The following CENPS variants were observed in gnomAD, a reference collection of about 807,000 sequenced individuals.
CENPS encodes FANCM associated histone fold protein 1.
CENPS carries 16 observed loss-of-function variants against 17.9 expected under a neutral mutation model. The observed-to-expected ratio is 0.90, with a 90% CI of 0.61 to 1.36. The LOEUF (loss-of-function observed/expected upper bound fraction) is 1.36, where lower values mean the gene tolerates loss of function less well. CENPS is among the 40% of genes most tolerant of loss of function. CENPS has a pLI of 0.00. For missense variants in CENPS, 160 were observed against 158.6 expected (o/e 1.01, Z -0.05); for synonymous variants, 49 against 55.8 (o/e 0.88, Z 0.54).
At chr1:10,436,717 AAAAAG>A (rs1332550417) in intron 3 of CENPS, among the ~76,000 whole-genome samples, 249 of 120,240 alleles carry the variant, frequency 2.1e-3, no homozygotes, top group Non-Finnish European at 3.5e-3. Flanking sequence ...TTAAAAAAAA[AAAAAG>A]AAAAGAAAAG....
chr1:10,430,867 C>T (rs1639876740), intron 1 of CENPS: 1 of 1,308,258 alleles, frequency 7.6e-7, no homozygotes, highest in Non-Finnish European at 9.7e-7. Flanking sequence ...CTCGGTTTCC[C>T]CTTCTCAGAT....
rs1640428155 is a variant in CENPS at position 10,441,839 on chromosome 1, A to G, written c.277-426A>G. 1.5e-4 allele frequency among the ~76,000 whole-genome samples: 23 copies of G among 150,066 alleles called. No individual in the cohort carries two copies. The South Asian group carries it at 4.5e-3, about 29-fold the overall frequency. On this transcript the variant is annotated intron_variant, in intron 4 of 4. Transcript: ENST00000309048. ...ACGGGGTTTCACCGTGTTAGCCAGG[A>G]TGGTCTCGATCTCCTGAGCTCGTGA...
rs116395144 is a variant in CENPS, at chr1:10,430,465, C to A, written c.-53C>A. On this transcript the variant is annotated 5_prime_UTR_variant, in exon 1 of 5. Coordinates refer to ENST00000309048, the MANE Select transcript of CENPS (RefSeq NM_199294.3). ...GGCGGGAAAATCCGACCTGGCCGCG[C>A]ACCACCGCCCCTTCTCGGCCCTCCT... The A allele has an allele frequency of 4.3e-5, 65 of 1,526,530 alleles. No homozygotes were observed. Among genetic ancestry groups the A allele is most frequent in the Non-Finnish European group, 5.2e-5 (59 of 1,137,974 alleles). The allele number at this position is 1,526,530 out of a possible 1,614,324, so 94.6% of individuals were successfully genotyped here.
At chr1:10,430,974 G>C in intron 1 of CENPS, 1 of 1,268,254 alleles carries the variant, frequency 7.9e-7, no homozygotes, top group South Asian at 1.9e-5. Context: ...CGCTGGCCCT[G>C]GAGGCGTCGA....
intron 1 of CENPS, 132 bp from the exon 2 acceptor site, chr1:10,433,710 G>A: frequency 6.0e-6 from 9 of 1,491,040 alleles, no homozygotes; most frequent in Admixed American, 2.2e-5. Flanking sequence ...CACTTGAAAA[G>A]CCACTCAGCC....
chr1:10,434,741 G>T, intron 3 of CENPS, 51 bp downstream of exon 3: 1 of 1,551,528 alleles, frequency 6.4e-7, no homozygotes, highest in East Asian at 2.4e-5. Flanking sequence ...GCTTTTTGGG[G>T]CCTCTCCATC....
intron 3 of CENPS, among the ~76,000 whole-genome samples, chr1:10,435,710 T>TACACACAC (rs778086497): frequency 3.0e-3 from 437 of 143,564 alleles, no homozygotes; most frequent in African/African-American, 0.01. Context: ...ATAATATATA[T>TACACACAC]ATATATACAC....
At chr1:10,435,483 G>C (rs1640107838) in intron 3 of CENPS, among the ~76,000 whole-genome samples, 1 of 151,650 alleles carries the variant, frequency 6.6e-6, no homozygotes, top group Non-Finnish European at 1.5e-5. Flanking sequence ...TCCTATTCCT[G>C]TGGATATTCG....
At chr1:10,433,633 T>A (rs1269388640) in intron 1 of CENPS, among the ~76,000 whole-genome samples, 1 of 152,184 alleles carries the variant, frequency 6.6e-6, no homozygotes, top group Non-Finnish European at 1.5e-5. Flanking sequence ...ACATAAATCA[T>A]AACCATTAAC....
At chr1:10,435,179 G>A (rs1388507059) in intron 3 of CENPS, among the ~76,000 whole-genome samples, 1 of 152,168 alleles carries the variant, frequency 6.6e-6, no homozygotes, top group African/African-American at 2.4e-5. Context: ...TTGGAAAGTG[G>A]GTGACTTGCT....
Position 10,430,645 on chromosome 1 carries a change from C to T in CENPS, c.51+77C>T, listed in dbSNP as rs1044200621. On this transcript the variant is annotated intron_variant, in intron 1 of 4. Coordinates refer to ENST00000309048, the MANE Select transcript of CENPS (RefSeq NM_199294.3). ...CTGGACAGAAAAGTACCCGGCAGCC[C>T]CCGGCGGCTTCTCATCGGCACCCCG... is the stretch of plus-strand genomic sequence containing the variant. The T allele has an allele frequency of 2.2e-5, 32 of 1,477,874 alleles. No homozygotes were observed. In the African/African-American group the frequency reaches 3.7e-4, roughly 17 times the overall value. The allele number at this position is 1,477,874 out of a possible 1,614,324, so 91.5% of individuals were successfully genotyped here. A position where few individuals can be genotyped will look rare whatever the true frequency, so the allele number is the denominator to read the frequency against.
intron 3 of CENPS, among the ~76,000 whole-genome samples, chr1:10,436,887 C>G (rs643400): frequency 1.3e-5 from 2 of 151,306 alleles, no homozygotes; most frequent in Admixed American, 1.3e-4. Flanking sequence ...GAAGACTCAT[C>G]TTGTGTGAAT....
rs1570060897 is a variant in CENPS at position 10,442,251 on chromosome 1, T to A, written c.277-14T>A. 1 of 14,570 alleles carries A rather than the reference T, an allele frequency of 6.9e-5. No individual in the cohort carries two copies. Among genetic ancestry groups the A allele is most frequent in the Non-Finnish European group, 1.6e-4 (1 of 6,136 alleles). The allele number at this position is 14,570 out of a possible 1,614,324, so 0.9% of individuals were successfully genotyped here. On this transcript the variant is annotated splice_polypyrimidine_tract_variant and intron_variant, in intron 4 of 4. Coordinates refer to ENST00000309048, the MANE Select transcript of CENPS (RefSeq NM_199294.3). The stretch of plus-strand genomic sequence containing the variant: ...GGTTACAGCCAGATATAAATACAGA[T>A]TTTTTTTTTATAGCTAAAATACATC...
At chr1:10,437,623 A>G (rs1030450065) in intron 3 of CENPS, among the ~76,000 whole-genome samples, 39 of 149,460 alleles carry the variant, frequency 2.6e-4, no homozygotes, top group Non-Finnish European at 5.3e-4. Flanking sequence ...TGCCCAGCTA[A>G]TTTTTGTGTT....
chr1:10,438,699 C>T (rs903415658), intron 3 of CENPS, among the ~76,000 whole-genome samples: 29 of 152,126 alleles, frequency 1.9e-4, no homozygotes, highest in African/African-American at 7.0e-4. Context: ...AGAGGATGCC[C>T]TGCCCCTCCA....
intron 1 of CENPS, chr1:10,431,453 TG>T: frequency 6.6e-7 from 1 of 1,525,198 alleles, no homozygotes; most frequent in Non-Finnish European, 8.8e-7. Flanking sequence ...GTTAGCATTT[TG>T]CTCTGTTTGC....
Position 10,442,388 on chromosome 1 carries a change from G to T in CENPS, c.400G>T (p.Val134Leu). Residue 134 changes from valine (V) to leucine (L), a missense_variant, in exon 5 of 5, where the codon GTG becomes TTG. Physicochemically the swap from Val to Leu is conservative, Grantham distance 32. Transcript: ENST00000309048. ...NSRQPAEAGV[V>L]ESEN ...AAGGCAGCCAGCAGAGGCTGGAGTG[G>T]TGGAAAGTGAGAATTAAAGTCCCTC... 1 of 1,584,662 alleles carries T rather than the reference G, an allele frequency of 6.3e-7. No homozygotes were observed. Among genetic ancestry groups the T allele is most frequent in the Non-Finnish European group, 8.5e-7 (1 of 1,172,150 alleles).
chr1:10,435,528 A>G (rs1044017146), intron 3 of CENPS, among the ~76,000 whole-genome samples: 4 of 151,672 alleles, frequency 2.6e-5, no homozygotes, highest in Non-Finnish European at 5.9e-5. Flanking sequence ...CAGCTTGGCC[A>G]AAAGGGATAA....
At position 10,442,278 on chromosome 1, in the gene CENPS, C is replaced by A; in HGVS notation, c.290C>A (p.Thr97Lys). 1 of 1,587,110 alleles carries A rather than the reference C, an allele frequency of 6.3e-7. No homozygotes were observed. Among genetic ancestry groups the A allele is most frequent in the South Asian group, 1.2e-5 (1 of 86,084 alleles). Residue 97 changes from threonine (T) to lysine (K), a missense_variant, in exon 5 of 5, where the codon ACA becomes AAA. By Grantham distance (78) the Thr-to-Lys change is moderately conservative. Transcript: ENST00000309048. ...TTTTTTTTATAGCTAAAATACATCA[C>A]AGACAAAAGTGAAGAGATTGCTCAG... ...RRSNSLLKYITDKSEEIAQIN... is the reference protein window; with the variant it reads ...RRSNSLLKYIKDKSEEIAQIN...
Sources: gnomAD v4.1 joint callset for allele counts (sites outside exome capture counted in the v4.1 genomes callset) on GRCh38, gnomAD v4.1.1 for gene constraint, MANE v1.5 for transcripts, NCBI Gene and HGNC (gene_info 2026-07-23, HGNC 2026-07-21) for gene names.